SMARCC1: variants seen among roughly 807,000 people sequenced by gnomAD.
SMARCC1 encodes the protein SWI/SNF related BAF chromatin remodeling complex subunit C1.
In SMARCC1, 43 loss-of-function variants were observed where a neutral mutation model predicts 147.4. That is an observed-to-expected ratio of 0.29 (90% CI 0.23 to 0.38). The LOEUF (loss-of-function observed/expected upper bound fraction) is 0.38, where lower values mean the gene tolerates loss of function less well. Ranked by LOEUF, SMARCC1 falls within the 10% of genes least tolerant of loss-of-function variation. SMARCC1 has a pLI of 1.00. For missense variants in SMARCC1, 1,119 were observed against 1,381.1 expected (o/e 0.81, Z 3.01); for synonymous variants, 495 against 484.4 (o/e 1.02, Z -0.29).
At chr3:47,733,139 A>T (rs142116473) in intron 5 of SMARCC1, among the ~76,000 whole-genome samples, 3 of 152,308 alleles carry the variant, frequency 2.0e-5, no homozygotes, top group African/African-American at 7.2e-5. Flanking sequence ...AAAAACTAAA[A>T]AAGTTTGAAA....
In SMARCC1 at chr3:47,586,732, G is replaced by A. The variant is rs1335460306; in HGVS notation, c.*1477C>T. On this transcript the variant is annotated 3_prime_UTR_variant, in exon 28 of 28. Transcript: ENST00000254480. ...ATTCTAAATAATGAAACTGCCACTTGAGAATGTGAAGTGAGAAAGCCAGGC... is the reference window on the plus strand; with the variant it reads ...ATTCTAAATAATGAAACTGCCACTTAAGAATGTGAAGTGAGAAAGCCAGGC... 1 of 152,570 alleles carries A rather than the reference G, an allele frequency of 6.6e-6. No homozygotes were observed. Among genetic ancestry groups the A allele is most frequent in the Admixed American group, 6.6e-5 (1 of 15,262 alleles). The allele number at this position is 152,570 out of a possible 1,614,324, so 9.5% of individuals were successfully genotyped here.
intron 15 of SMARCC1, among the ~76,000 whole-genome samples, chr3:47,679,576 G>A (rs2033615934): frequency 5.3e-5 from 8 of 152,018 alleles, no homozygotes; most frequent in Admixed American, 5.2e-4. Flanking sequence ...AAGTTGTTAG[G>A]ACAGGCCGGG....
intron 2 of SMARCC1, among the ~76,000 whole-genome samples, chr3:47,768,331 G>A (rs2034865190): frequency 2.0e-5 from 3 of 152,044 alleles, no homozygotes. Context: ...CAAGTACATC[G>A]GTTCCCAGTG....
intron 27 of SMARCC1, among the ~76,000 whole-genome samples, chr3:47,590,288 A>C (rs1375777922): frequency 6.6e-6 from 1 of 152,218 alleles, no homozygotes; most frequent in African/African-American, 2.4e-5. Context: ...CTTTACACGC[A>C]TCACTTTTGA....
At chr3:47,730,551 A>G (rs2034360644) in intron 5 of SMARCC1, among the ~76,000 whole-genome samples, 1 of 152,178 alleles carries the variant, frequency 6.6e-6, no homozygotes, top group Non-Finnish European at 1.5e-5. Context: ...TTAATTTAAA[A>G]ATATTTTATT....
intron 6 of SMARCC1, among the ~76,000 whole-genome samples, chr3:47,721,238 G>A (rs2034229508): frequency 6.6e-6 from 1 of 152,060 alleles, no homozygotes; most frequent in Admixed American, 6.6e-5. Context: ...GCTGTAAAGT[G>A]CTACATCAAA....
chr3:47,767,521 G>T (rs1446933477), intron 2 of SMARCC1, among the ~76,000 whole-genome samples: 3 of 141,158 alleles, frequency 2.1e-5, no homozygotes, highest in Admixed American at 1.4e-4. Context: ...ATTACAAGGT[G>T]TGAGCCACCG....
intron 11 of SMARCC1, 26 bp from the exon 12 acceptor site, chr3:47,693,326 GT>G: frequency 7.5e-7 from 1 of 1,335,400 alleles, no homozygotes; most frequent in Non-Finnish European, 1.1e-6. Flanking sequence ...AAAGAGTTAT[GT>G]TTATGTGGGA....
chr3:47,645,381 T>C (rs1041757803), intron 21 of SMARCC1, among the ~76,000 whole-genome samples: 13 of 151,752 alleles, frequency 8.6e-5, no homozygotes, highest in Admixed American at 7.2e-4. Context: ...GGTTCAATCT[T>C]CTTAAAATGA....
intron 3 of SMARCC1, among the ~76,000 whole-genome samples, chr3:47,742,682 A>C (rs922660449): frequency 2.6e-5 from 4 of 152,106 alleles, no homozygotes; most frequent in Admixed American, 1.3e-4. Context: ...TCCTGAACTC[A>C]AGTGATCCTC....
intron 1 of SMARCC1, among the ~76,000 whole-genome samples, chr3:47,781,281 T>C (rs903042594): frequency 6.6e-6 from 1 of 152,188 alleles, no homozygotes; most frequent in Non-Finnish European, 1.5e-5. Flanking sequence ...TAGGGATCAT[T>C]GTTCACACAC....
chr3:47,667,034 C>T (rs1406197505), intron 19 of SMARCC1, among the ~76,000 whole-genome samples: 5 of 152,030 alleles, frequency 3.3e-5, no homozygotes, highest in African/African-American at 4.8e-5. Context: ...GAGAGAAACT[C>T]GGGCCAGGCA....
chr3:47,633,123 GT>G (rs1417743719), intron 24 of SMARCC1, among the ~76,000 whole-genome samples: 1 of 152,190 alleles, frequency 6.6e-6, no homozygotes, highest in Non-Finnish European at 1.5e-5. Flanking sequence ...GGTGGGCCCA[GT>G]TTGTCAAAAA....
chr3:47,596,552 G>A (rs2032285283), intron 26 of SMARCC1, among the ~76,000 whole-genome samples: 1 of 150,204 alleles, frequency 6.7e-6, no homozygotes, highest in African/African-American at 2.5e-5. Context: ...GGGTGACAGA[G>A]TCAGACTCCG....
At chr3:47,683,990 C>A (rs1305952083) in intron 14 of SMARCC1, among the ~76,000 whole-genome samples, 1 of 151,120 alleles carries the variant, frequency 6.6e-6, no homozygotes, top group Non-Finnish European at 1.5e-5. Context: ...CGGTGGCTCA[C>A]GCCTGTAATC....
chr3:47,668,593 AG>A (rs1293559873), intron 19 of SMARCC1, among the ~76,000 whole-genome samples: 3 of 152,212 alleles, frequency 2.0e-5, no homozygotes, highest in Non-Finnish European at 4.4e-5. Flanking sequence ...TTATGAAACA[AG>A]GTCTTTTAAA....
intron 2 of SMARCC1, among the ~76,000 whole-genome samples, chr3:47,762,585 G>A (rs1269321612): frequency 6.6e-6 from 1 of 152,210 alleles, no homozygotes; most frequent in Non-Finnish European, 1.5e-5. Context: ...CGTATTTACA[G>A]GTGTTCCACC....
intron 24 of SMARCC1, among the ~76,000 whole-genome samples, chr3:47,628,230 G>C (rs561616822): frequency 1.3e-5 from 2 of 152,196 alleles, no homozygotes; most frequent in South Asian, 4.1e-4. Flanking sequence ...AGCTCTTTAT[G>C]ACCTTTCAGG....
At chr3:47,620,356 G>A (rs146252012) in intron 25 of SMARCC1, among the ~76,000 whole-genome samples, 8 of 151,946 alleles carry the variant, frequency 5.3e-5, no homozygotes, top group East Asian at 3.9e-4. Flanking sequence ...CCAGCTACTC[G>A]GGAGACTGAG....
Sources: allele counts gnomAD v4.1 joint callset (sites outside exome capture counted in the v4.1 genomes callset), GRCh38; gene constraint gnomAD v4.1.1; transcripts MANE v1.5; gene names NCBI Gene and HGNC (gene_info 2026-07-23, HGNC 2026-07-21).